Variants in MICAL2 observed in about 807,000 individuals in gnomAD.
The protein encoded by MICAL2 is [F-actin]-monooxygenase MICAL2.
MICAL2 carries 77 observed loss-of-function variants against 127.3 expected under a neutral mutation model. That is an observed-to-expected ratio of 0.60 (90% CI 0.50 to 0.73). The LOEUF (loss-of-function observed/expected upper bound fraction) is 0.73. Ranked by LOEUF, MICAL2 falls within the 30% of genes least tolerant of loss-of-function variation. MICAL2 has a pLI of 0.00. For synonymous variants in MICAL2, 570 were observed against 551.1 expected (o/e 1.03, Z -0.48); for missense variants, 1,351 against 1,434.4 (o/e 0.94, Z 0.94).
chr11:12,321,129 C>T (rs1052477314), intron 30 of MICAL2, among the ~76,000 whole-genome samples: 1 of 152,154 alleles, frequency 6.6e-6, no homozygotes, highest in African/African-American at 2.4e-5. Context: ...ACCAGTCTCA[C>T]AAATAGCTCC....
chr11:12,306,118 T>C (rs2134814218), intron 29 of MICAL2, among the ~76,000 whole-genome samples: 1 of 152,330 alleles, frequency 6.6e-6, no homozygotes, highest in South Asian at 2.1e-4. Context: ...TTTCACACAT[T>C]GAACACATAC....
chr11:12,214,387 G>A (rs1210064630), intron 7 of MICAL2, among the ~76,000 whole-genome samples: 2 of 152,020 alleles, frequency 1.3e-5, no homozygotes, highest in Non-Finnish European at 1.5e-5. Context: ...TTCCACCAGC[G>A]TTCTTGCTTG....
upstream of MICAL2, among the ~76,000 whole-genome samples, chr11:12,271,255 A>G (rs571306395): frequency 6.6e-6 from 1 of 152,152 alleles, no homozygotes; most frequent in Non-Finnish European, 1.5e-5. Flanking sequence ...ACTCCTAGGT[A>G]CCTCCTCTCC....
chr11:12,355,294 C>T (rs976227916), intron 34 of MICAL2, among the ~76,000 whole-genome samples: 2 of 152,100 alleles, frequency 1.3e-5, no homozygotes, highest in African/African-American at 2.4e-5. Flanking sequence ...CAGAGAAAGG[C>T]GGGCCTAGTG....
chr11:12,162,299 C>T lies in MICAL2; in HGVS notation c.144C>T (p.Asn48=), dbSNP rs28625145. The T allele has an allele frequency of 0.2, 316,817 of 1,614,000 alleles. 31,936 individuals carry two copies. The highest frequency in any genetic ancestry group is 0.24 in the Admixed American group (14,618 of 60,010). Residue 48 remains asparagine, a synonymous_variant, in exon 3 of 28, where the codon AAC becomes AAT. Transcript: ENST00000683283. ...HLDLDPLDHR[N]FYSKLKSKVT... ...ACCTAGACCCTCTGGACCACAGAAA[C>T]TTTTATTCCAAGCTCAAGTCCAAGG...
intron 26 of MICAL2, chr11:12,262,214 A>G: frequency 7.4e-7 from 1 of 1,354,396 alleles, no homozygotes; most frequent in Non-Finnish European, 9.5e-7. Flanking sequence ...GAGACGCTAG[A>G]GTAAAATGGG....
intron 7 of MICAL2, among the ~76,000 whole-genome samples, chr11:12,214,269 T>A (rs558132065): frequency 1.3e-5 from 2 of 152,344 alleles, no homozygotes; most frequent in South Asian, 4.1e-4. Flanking sequence ...TGAAAAGCAA[T>A]GTAACAACAA....
Position 12,131,150 on chromosome 11 carries a change from G to A in MICAL2, c.-148-7240G>A, listed in dbSNP as rs568281019. The stretch of plus-strand genomic sequence containing the variant: ...CTACTAAAAATACAAAAAATTAGCC[G>A]GGCGCGGTGGCGGGCGCCTGTAGTC... On this transcript the variant is annotated intron_variant, in intron 1 of 27. Coordinates refer to ENST00000683283, the MANE Select transcript of MICAL2 (RefSeq NM_001282663.2). Among the ~76,000 whole-genome samples, 173 of 87,150 alleles carry A rather than the reference G, an allele frequency of 2.0e-3. 48 individuals carry two copies. The highest frequency in any genetic ancestry group is 5.3e-3 in the Middle Eastern group (1 of 188). The allele number at this position is 87,150 out of a possible 152,430, so 57.2% of individuals were successfully genotyped here.
intron 18 of MICAL2, 72 bp downstream of exon 18, chr11:12,241,234 T>C: frequency 6.5e-7 from 1 of 1,543,910 alleles, no homozygotes; most frequent in South Asian, 1.2e-5. Flanking sequence ...GTGGGGTCAG[T>C]GGCTCTTCCC....
At chr11:12,291,996 G>A (rs1565295482), downstream of MICAL2, 54 of 954,986 alleles carry the variant, frequency 5.7e-5, no homozygotes, top group South Asian at 7.0e-4. Context: ...TGAGTCCCAC[G>A]CCTTGGGCAC....
intron 9 of MICAL2, among the ~76,000 whole-genome samples, chr11:12,221,066 C>T (rs1007207808): frequency 7.9e-5 from 12 of 152,248 alleles, no homozygotes; most frequent in African/African-American, 2.9e-4. Flanking sequence ...TTAGTCAGCA[C>T]TCAGCTTGGT....
At chr11:12,267,003 G>A (rs112223229), downstream of MICAL2, among the ~76,000 whole-genome samples, 2,101 of 152,338 alleles carry the variant, frequency 0.014, 31 homozygotes, top group Non-Finnish European at 0.02. Context: ...CGCCTGACAG[G>A]ACACCTTCAG....
intron 8 of MICAL2, among the ~76,000 whole-genome samples, chr11:12,217,633 C>T (rs1037744264): frequency 1.3e-5 from 2 of 152,048 alleles, no homozygotes; most frequent in African/African-American, 2.4e-5. Flanking sequence ...GCAGGCAAAG[C>T]TTGATGGGTT....
chr11:12,316,123 G>A (rs1864229213), intron 29 of MICAL2, among the ~76,000 whole-genome samples: 1 of 151,888 alleles, frequency 6.6e-6, no homozygotes, highest in African/African-American at 2.4e-5. Context: ...TCACACTCTA[G>A]TTTTTCTAAA....
intron 26 of MICAL2, chr11:12,260,341 C>CATCT (rs1862934732): frequency 1.4e-6 from 2 of 1,403,336 alleles, no homozygotes; most frequent in Non-Finnish European, 1.8e-6. Context: ...TCAGGGTGAA[C>CATCT]ATCTACTCAC....
intron 2 of MICAL2, among the ~76,000 whole-genome samples, chr11:12,284,607 T>A (rs1458055951): frequency 6.6e-6 from 1 of 152,052 alleles, no homozygotes; most frequent in Non-Finnish European, 1.5e-5. Flanking sequence ...CAATTAGAGC[T>A]TTATGCAATT....
chr11:12,266,479 G>C (rs752709702), downstream of MICAL2, among the ~76,000 whole-genome samples: 8 of 152,214 alleles, frequency 5.3e-5, no homozygotes, highest in Non-Finnish European at 1.2e-4. Context: ...AGAAGTTACT[G>C]CATCTTTTAC....
At chr11:12,203,544 C>CATTT (rs767175275) in intron 3 of MICAL2, among the ~76,000 whole-genome samples, 4 of 152,224 alleles carry the variant, frequency 2.6e-5, no homozygotes, top group Non-Finnish European at 5.9e-5. Flanking sequence ...ACTTAGTGAC[C>CATTT]ATTTGTATAT....
At chr11:12,200,720 C>T (rs945037330) in intron 3 of MICAL2, among the ~76,000 whole-genome samples, 8 of 152,304 alleles carry the variant, frequency 5.3e-5, no homozygotes, top group East Asian at 1.9e-4. Context: ...GTGGGAAAAC[C>T]GAGCTTTCGC....
Sources: allele counts gnomAD v4.1 joint callset (sites outside exome capture counted in the v4.1 genomes callset), GRCh38; gene constraint gnomAD v4.1.1; transcripts MANE v1.5; gene names NCBI Gene and HGNC (gene_info 2026-07-23, HGNC 2026-07-21).